Variants in GRID2 observed in about 807,000 individuals in gnomAD.
The protein encoded by GRID2 is glutamate ionotropic receptor delta type subunit 2.
A neutral mutation model predicts 114.8 loss-of-function variants in GRID2; 33 were observed. The observed-to-expected ratio is 0.29, with a 90% CI of 0.22 to 0.38. The LOEUF is 0.38. GRID2 is among the 10% of genes least tolerant of loss of function. The pLI is 1.00. For synonymous variants in GRID2, 505 were observed against 449.9 expected (o/e 1.12, Z -1.55); for missense variants, 1,184 against 1,257.7 (o/e 0.94, Z 0.89).
chr4:92,486,299 A>G (rs1277871935), intron 1 of GRID2, among the ~76,000 whole-genome samples: 1 of 151,850 alleles, frequency 6.6e-6, no homozygotes. Flanking sequence ...GCCCTTTGGT[A>G]TACAGCATAA....
chr4:93,186,580 C>T (rs370322534), intron 4 of GRID2, among the ~76,000 whole-genome samples: 36 of 152,236 alleles, frequency 2.4e-4, no homozygotes, highest in African/African-American at 8.2e-4. Context: ...CCCACTCTAG[C>T]GAAGCAACCT....
At chr4:93,451,891 A>G (rs1303208716) in intron 10 of GRID2, among the ~76,000 whole-genome samples, 2 of 152,164 alleles carry the variant, frequency 1.3e-5, no homozygotes, top group African/African-American at 4.8e-5. Flanking sequence ...GGACTGGTTG[A>G]ATATCATAAG....
intron 1 of GRID2, among the ~76,000 whole-genome samples, chr4:92,472,862 C>G: frequency 6.6e-6 from 1 of 152,118 alleles, no homozygotes; most frequent in South Asian, 2.1e-4. Context: ...ATTTTCTCAC[C>G]CATTTGTGGC....
intron 10 of GRID2, among the ~76,000 whole-genome samples, chr4:93,439,717 G>T (rs1465210087): frequency 6.6e-6 from 1 of 151,984 alleles, no homozygotes; most frequent in African/African-American, 2.4e-5. Context: ...GCTGCGAGGG[G>T]AAATAATTTA....
intron 1 of GRID2, among the ~76,000 whole-genome samples, chr4:92,547,579 C>T (rs973889561): frequency 6.6e-6 from 1 of 152,064 alleles, no homozygotes; most frequent in East Asian, 1.9e-4. Context: ...TCAAAAAATA[C>T]TCACATTTTA....
At chr4:93,751,807 G>A (rs762856047) in intron 14 of GRID2, among the ~76,000 whole-genome samples, 17 of 152,114 alleles carry the variant, frequency 1.1e-4, no homozygotes, top group Admixed American at 3.3e-4. Flanking sequence ...TCTTCTCAAG[G>A]CCTGTAACCC....
intron 2 of GRID2, among the ~76,000 whole-genome samples, chr4:93,076,123 G>A (rs1285008089): frequency 2.0e-5 from 3 of 151,758 alleles, no homozygotes; most frequent in African/African-American, 2.4e-5. Flanking sequence ...GGATGGTCTC[G>A]ATCTGACCTA....
intron 8 of GRID2, among the ~76,000 whole-genome samples, chr4:93,266,223 C>G (rs568574639): frequency 6.6e-6 from 1 of 152,024 alleles, no homozygotes; most frequent in Non-Finnish European, 1.5e-5. Context: ...TATTTTTTTT[C>G]TCATCAACAT....
At chr4:92,465,719 T>C (rs916850926) in intron 1 of GRID2, among the ~76,000 whole-genome samples, 1 of 152,058 alleles carries the variant, frequency 6.6e-6, no homozygotes. Flanking sequence ...TTCTTGTATT[T>C]AGTCTTGCTA....
intron 1 of GRID2, among the ~76,000 whole-genome samples, chr4:92,579,624 A>G (rs963624981): frequency 6.6e-6 from 1 of 151,952 alleles, no homozygotes; most frequent in African/African-American, 2.4e-5. Context: ...CATGTGATTA[A>G]GTAATTCATC....
intron 2 of GRID2, among the ~76,000 whole-genome samples, chr4:93,013,918 T>C (rs1031979767): frequency 1.3e-5 from 2 of 151,774 alleles, no homozygotes; most frequent in Non-Finnish European, 2.9e-5. Flanking sequence ...AAGGGAGAAA[T>C]AAAAGATGAT....
intron 2 of GRID2, among the ~76,000 whole-genome samples, chr4:92,606,490 T>C: frequency 6.6e-6 from 1 of 151,918 alleles, no homozygotes; most frequent in East Asian, 1.9e-4. Flanking sequence ...GGTAAGGCAT[T>C]TATTTTCTGT....
intron 4 of GRID2, among the ~76,000 whole-genome samples, chr4:93,184,015 G>A (rs536480500): frequency 7.9e-5 from 12 of 152,290 alleles, no homozygotes; most frequent in African/African-American, 1.9e-4. Context: ...GCTGTAGGGC[G>A]ATTAGAAAAG....
chr4:93,019,783 C>G (rs1419525777), intron 2 of GRID2, among the ~76,000 whole-genome samples: 1 of 152,082 alleles, frequency 6.6e-6, no homozygotes, highest in Admixed American at 6.6e-5. Context: ...AAATTCAAAA[C>G]TTGGTCATCG....
chr4:92,420,520 GTTTACAAGGT>G (rs1254072299), intron 1 of GRID2, among the ~76,000 whole-genome samples: 1 of 152,046 alleles, frequency 6.6e-6, no homozygotes, highest in Non-Finnish European at 1.5e-5. Flanking sequence ...TATTTTTGTT[GTTTACAAGGT>G]TTGTTTTCAT....
chr4:92,384,517 T>TA (rs11270119), intron 1 of GRID2, among the ~76,000 whole-genome samples: 1 of 36,216 alleles, frequency 2.8e-5, no homozygotes, highest in African/African-American at 1.2e-4. Flanking sequence ...ATATATAATA[T>TA]TATATAATAT....
intron 2 of GRID2, among the ~76,000 whole-genome samples, chr4:92,819,404 C>T (rs1035551457): frequency 2.0e-5 from 3 of 151,950 alleles, no homozygotes; most frequent in Non-Finnish European, 4.4e-5. Flanking sequence ...ATGAAGGGCA[C>T]ATGTATGGGG....
intron 4 of GRID2, among the ~76,000 whole-genome samples, chr4:93,168,258 GAAGA>G (rs1738451727): frequency 1.3e-5 from 2 of 150,306 alleles, no homozygotes; most frequent in South Asian, 2.1e-4. Context: ...AAGGAAAGGG[GAAGA>G]AAGAAAGAGA....
Position 92,513,511 on chromosome 4 carries a change from G to A in GRID2, c.89-76620G>A, listed in dbSNP as rs114099854. 2.2e-3 allele frequency among the ~76,000 whole-genome samples: 338 copies of A among 151,912 alleles called. 2 individuals carry two copies. Among genetic ancestry groups the A allele is most frequent in the African/African-American group, 7.9e-3 (326 of 41,486 alleles). On this transcript the variant is annotated intron_variant, in intron 1 of 15. Transcript: ENST00000282020. ...CCTCCTCTTTGCCTCTATTTCAATG[G>A]TGAATTTCACAAAGAAGTATTTTTT...
Sources: gnomAD v4.1 joint callset for allele counts (sites outside exome capture counted in the v4.1 genomes callset) on GRCh38, gnomAD v4.1.1 for gene constraint, MANE v1.5 for transcripts, NCBI Gene and HGNC (gene_info 2026-07-23, HGNC 2026-07-21) for gene names.